LCOR: variants seen among roughly 807,000 people sequenced by gnomAD.
The protein encoded by LCOR is ligand dependent nuclear receptor corepressor.
Under a neutral mutation model 64.4 loss-of-function variants are expected in LCOR, and 14 were observed. The observed-to-expected ratio is 0.22, with a 90% CI of 0.14 to 0.34. LCOR has a LOEUF of 0.34. Ranked by LOEUF, LCOR falls within the 10% of genes least tolerant of loss-of-function variation. The pLI, the probability that LCOR is intolerant of heterozygous loss-of-function variation, is 1.00. For missense variants in LCOR, 1,686 were observed against 1,765.3 expected (o/e 0.96, Z 0.80); for synonymous variants, 643 against 642.5 (o/e 1.00, Z -0.01).
rs777791004 is a variant in LCOR, at chr10:96,981,641, A to G, written c.1181A>G (p.Asn394Ser). The change falls in exon 8 of 8, where the codon AAC becomes AGC. Residue 394 changes from asparagine (N) to serine (S), a missense_variant. By Grantham distance (46) the Asn-to-Ser change is conservative. Around this residue, in one of 3 missense-constraint regions of LCOR, gnomAD observed 1,293 missense variants for 1,410.4 expected, o/e 0.92. Transcript: ENST00000421806. ...NEQDARPKQE[N>S]HLHSLGRNKV... is the part of the protein sequence containing the mutation. ...CAAGATGCAAGGCCAAAGCAAGAGA[A>G]CCATCTTCACTCTCTGGGAAGAAAT... The G allele has an allele frequency of 6.2e-7, 1 of 1,614,194 alleles. No individual in the cohort carries two copies. The highest frequency in any genetic ancestry group is 1.7e-5 in the Admixed American group (1 of 60,030).
chr10:96,911,124 G>T (rs1846825466), intron 4 of LCOR, among the ~76,000 whole-genome samples: 2 of 143,204 alleles, frequency 1.4e-5, no homozygotes, highest in South Asian at 4.4e-4. Context: ...TTGAGACAGG[G>T]TCTTGCTCTG....
chr10:96,964,894 A>G (rs1847932501), intron 7 of LCOR, among the ~76,000 whole-genome samples: 2 of 150,516 alleles, frequency 1.3e-5, no homozygotes, highest in South Asian at 4.1e-4. Context: ...TAAGTATAAA[A>G]GCAACATTGT....
chr10:96,917,872 A>C (rs758665847), intron 4 of LCOR, among the ~76,000 whole-genome samples: 1 of 152,192 alleles, frequency 6.6e-6, no homozygotes, highest in African/African-American at 2.4e-5. Flanking sequence ...CATGAAATTA[A>C]AAGTCAATTA....
At chr10:96,941,437 CG>C (rs1447505400) in intron 4 of LCOR, among the ~76,000 whole-genome samples, 37 of 141,174 alleles carry the variant, frequency 2.6e-4, no homozygotes, top group Admixed American at 1.0e-3. Context: ...CCCTCCTGGA[CG>C]GGGCGACTGG....
intron 4 of LCOR, among the ~76,000 whole-genome samples, chr10:96,936,958 A>C (rs1355279157): frequency 6.6e-6 from 1 of 152,252 alleles, no homozygotes; most frequent in African/African-American, 2.4e-5. Context: ...AGTTATGTGA[A>C]TATTCTCTCT....
At chr10:96,839,468 A>G (rs1302449730) in intron 2 of LCOR, among the ~76,000 whole-genome samples, 1 of 152,208 alleles carries the variant, frequency 6.6e-6, no homozygotes, top group Non-Finnish European at 1.5e-5. Flanking sequence ...CTATGGGATT[A>G]CAACTCCATT....
In LCOR at chr10:96,971,185, C is replaced by A. The variant is rs370452848; in HGVS notation, c.333-9608C>A. ...GGACTGCCTGTGTGCTTAGTCAAAA[C>A]CTACATACTTACTGTCTGCCCTTCA... is the stretch of plus-strand genomic sequence containing the variant. On this transcript the variant is annotated intron_variant, in intron 7 of 7. Transcript: ENST00000421806. Among the ~76,000 whole-genome samples the A allele has an allele frequency of 3.8e-4, 58 of 152,270 alleles. 1 individual carries two copies. The South Asian group carries it at 0.01, about 27-fold the overall frequency.
chr10:96,925,736 T>C (rs1481211010), intron 4 of LCOR, among the ~76,000 whole-genome samples: 2 of 152,222 alleles, frequency 1.3e-5, no homozygotes, highest in Non-Finnish European at 2.9e-5. Flanking sequence ...GGGAGATACT[T>C]TGAGGCTGTA....
intron 4 of LCOR, among the ~76,000 whole-genome samples, chr10:96,920,164 G>A (rs189495206): frequency 2.6e-5 from 4 of 151,478 alleles, no homozygotes; most frequent in East Asian, 3.9e-4. Flanking sequence ...GTTTTCTTCC[G>A]TGGGTGTATT....
In LCOR at chr10:96,981,604, G is replaced by C. The variant is rs1205568911; in HGVS notation, c.1144G>C (p.Glu382Gln). Residue 382 changes from glutamate (E) to glutamine (Q), a missense_variant, in exon 8 of 8, where the codon GAG (glutamate) becomes CAG (glutamine). Transcript: ENST00000421806. ...CPKTPLRQDL[E>Q]ANEQDARPKQ... ...AAAAACACCTTTGCGCCAGGATTTAGAGGCAAATGAACAAGATGCAAGGCC... is the reference window on the plus strand; with the variant it reads ...AAAAACACCTTTGCGCCAGGATTTACAGGCAAATGAACAAGATGCAAGGCC... 2 of 1,614,230 alleles carry C rather than the reference G, an allele frequency of 1.2e-6. No homozygotes were observed. Among genetic ancestry groups the C allele is most frequent in the Non-Finnish European group, 8.5e-7 (1 of 1,180,052 alleles).
At chr10:96,969,686 G>A (rs1348731557) in intron 7 of LCOR, among the ~76,000 whole-genome samples, 2 of 151,892 alleles carry the variant, frequency 1.3e-5, no homozygotes, top group African/African-American at 4.8e-5. Context: ...ATCAATTAGG[G>A]GTTGTGTGGA....
intron 4 of LCOR, among the ~76,000 whole-genome samples, chr10:96,911,899 CTG>C (rs1407476223): frequency 1.3e-5 from 2 of 152,164 alleles, no homozygotes; most frequent in East Asian, 1.9e-4. Context: ...ACACAATTCT[CTG>C]TGTACTGCTT....
intron 5 of LCOR, among the ~76,000 whole-genome samples, chr10:96,947,534 T>C (rs983479587): frequency 3.3e-5 from 5 of 152,158 alleles, no homozygotes; most frequent in African/African-American, 1.2e-4. Context: ...TGGGTAAAGT[T>C]ATTTGCCTTC....
intron 2 of LCOR, among the ~76,000 whole-genome samples, chr10:96,846,777 A>G (rs1845637121): frequency 6.6e-6 from 1 of 152,202 alleles, no homozygotes; most frequent in Non-Finnish European, 1.5e-5. Context: ...AACAGTTTCA[A>G]AAAGACCCAT....
At chr10:96,837,488 C>A (rs984140253) in intron 2 of LCOR, among the ~76,000 whole-genome samples, 1 of 152,060 alleles carries the variant, frequency 6.6e-6, no homozygotes, top group African/African-American at 2.4e-5. Flanking sequence ...GAACTCCTGA[C>A]CTCGTGATCC....
intron 7 of LCOR, among the ~76,000 whole-genome samples, chr10:96,953,550 CCAAAACAAAA>C (rs113122469): frequency 1.3e-5 from 2 of 151,216 alleles, no homozygotes; most frequent in Admixed American, 6.6e-5. Context: ...GACCTTGTCT[CCAAAACAAAA>C]CAAAACAAAA....
At chr10:96,855,996 A>G (rs1189800931) in intron 2 of LCOR, among the ~76,000 whole-genome samples, 13 of 150,716 alleles carry the variant, frequency 8.6e-5, no homozygotes, top group African/African-American at 2.9e-4. Context: ...CGCCTGCCTC[A>G]GCCTCCCAAC....
At chr10:96,933,242 C>G (rs1035458313) in intron 4 of LCOR, among the ~76,000 whole-genome samples, 4 of 152,104 alleles carry the variant, frequency 2.6e-5, no homozygotes, top group Non-Finnish European at 5.9e-5. Flanking sequence ...GTTGTTTTTA[C>G]TTTCTCTTTA....
chr10:96,974,162 T>C (rs1259894841), intron 7 of LCOR, among the ~76,000 whole-genome samples: 1 of 152,256 alleles, frequency 6.6e-6, no homozygotes, highest in Non-Finnish European at 1.5e-5. Context: ...TATTATCTTA[T>C]CCTTTTACCA....
Sources: gnomAD v4.1 joint callset for allele counts (sites outside exome capture counted in the v4.1 genomes callset) on GRCh38, gnomAD v4.1.1 for gene constraint, gnomAD v4.1.1 regional missense constraint, MANE v1.5 for transcripts, NCBI Gene and HGNC (gene_info 2026-07-23, HGNC 2026-07-21) for gene names.